The following SP110 variants were observed in gnomAD, a reference collection of about 807,000 sequenced individuals.
SP110 encodes the protein SP110 nuclear body protein.
Under a neutral mutation model 92.7 loss-of-function variants are expected in SP110, and 62 were observed. That is an observed-to-expected ratio of 0.67 (90% confidence interval 0.55 to 0.83). The LOEUF is 0.83. SP110 is among the 40% of genes least tolerant of loss of function. The probability of loss-of-function intolerance (pLI) is 0.00; values close to 1 mark genes in which losing one functional copy is unlikely to be tolerated. For synonymous variants in SP110, 273 were observed against 305.3 expected, an observed-to-expected ratio of 0.89 and a Z score of 1.10; for missense variants, 793 against 863.9, an observed-to-expected ratio of 0.92 and a Z score of 1.03.
chr2:230,221,817 A>C (rs2045843964), upstream of SP110: 12 of 1,204,486 alleles, frequency 1.0e-5, no homozygotes, highest in South Asian at 1.6e-4. Context: ...AATGCAAAAC[A>C]AACAAACAAA....
chr2:230,186,254 G>A (rs2042353188), intron 10 of SP110, 111 bp from the exon 11 acceptor site: 3 of 1,061,656 alleles, frequency 2.8e-6, no homozygotes, highest in South Asian at 1.4e-5. Context: ...CTTTTCTTGT[G>A]TGTATCTTTC....
chr2:230,202,794 A>G (rs1407006204), intron 8 of SP110, 66 bp from the exon 9 acceptor site: 2 of 1,480,524 alleles, frequency 1.4e-6, no homozygotes, highest in African/African-American at 1.4e-5. Flanking sequence ...TACAGTCCCA[A>G]TCAGTGACTT....
At chr2:230,186,424 T>C (rs116347572) in intron 10 of SP110, among the ~76,000 whole-genome samples, 1,639 of 152,346 alleles carry the variant, frequency 0.011, 21 homozygotes, top group African/African-American at 0.037. Context: ...GACAGATACC[T>C]GGCCCACACC....
At chr2:230,205,977 T>C (rs959337351) in intron 8 of SP110, among the ~76,000 whole-genome samples, 4 of 152,164 alleles carry the variant, frequency 2.6e-5, no homozygotes, top group Non-Finnish European at 5.9e-5. Flanking sequence ...GAGAGGGCAT[T>C]GACTAATAAG....
intron 8 of SP110, chr2:230,203,625 G>A (rs961194806): frequency 6.0e-5 from 9 of 148,772 alleles, no homozygotes; most frequent in African/African-American, 2.3e-4. Context: ...CCAAGTTTAG[G>A]GTTTTTTTTC....
At chr2:230,191,875 G>A (rs1175320133) in intron 10 of SP110, among the ~76,000 whole-genome samples, 1 of 151,950 alleles carries the variant, frequency 6.6e-6, no homozygotes, top group Non-Finnish European at 1.5e-5. Flanking sequence ...ACATCAATAC[G>A]AAAATCCTCA....
intron 15 of SP110, chr2:230,172,634 G>A: frequency 3.4e-6 from 2 of 580,228 alleles, no homozygotes; most frequent in Non-Finnish European, 6.2e-6. Flanking sequence ...CTGCTGTCCA[G>A]GGAATAGCAT....
rs1241257060 is a variant in SP110 at position 230,168,124 on chromosome 2, A to AAAT, written c.*999_*1000insATT. 5.3e-5 allele frequency: 8 copies of AAAT among 150,616 alleles called. No individual in the cohort carries two copies. The highest frequency in any genetic ancestry group is 2.0e-4 in the African/African-American group (8 of 40,578). 9.3% of individuals were successfully genotyped at this position (150,616 alleles called of 1,614,324 possible). A position where few individuals can be genotyped will look rare whatever the true frequency, so the allele number is the denominator to read the frequency against. The stretch of plus-strand genomic sequence containing the variant: ...ACTCTGTCTCAAAAAAAAAAAAAAA[A>AAAT]AAAAAAAAAGAAAAAGTGGGCAACT... On this transcript the variant is annotated 3_prime_UTR_variant, in exon 19 of 19. Coordinates refer to ENST00000258381, the MANE Select transcript of SP110 (RefSeq NM_080424.4).
intron 10 of SP110, among the ~76,000 whole-genome samples, chr2:230,187,148 G>A (rs566637781): frequency 1.3e-5 from 2 of 152,062 alleles, no homozygotes; most frequent in South Asian, 2.1e-4. Context: ...TTTTCACCAC[G>A]TCCATGTTAA....
At chr2:230,221,584 A>G, upstream of SP110, 8 of 995,954 alleles carry the variant, frequency 8.0e-6, no homozygotes, top group Non-Finnish European at 1.2e-5. Flanking sequence ...ATTCAATGCT[A>G]ACAGCTGAGG....
intron 10 of SP110, among the ~76,000 whole-genome samples, chr2:230,198,839 C>G (rs2042995498): frequency 1.3e-5 from 2 of 152,126 alleles, no homozygotes; most frequent in South Asian, 4.1e-4. Context: ...CTGAAGTGAT[C>G]CACCCACCTC....
In SP110 at chr2:230,216,825, C is replaced by T; in HGVS notation, c.103G>A (p.Glu35Lys). The T allele has an allele frequency of 6.2e-7, 1 of 1,614,042 alleles. No individual in the cohort carries two copies. The highest frequency in any genetic ancestry group is 1.7e-5 in the Admixed American group (1 of 60,010). Residue 35 changes from glutamate to lysine, a missense_variant, in exon 2 of 19, where the codon GAA (glutamate) becomes AAA (lysine). Transcript: ENST00000258381. Reference sequence around the variant, plus strand: ...ATGATGGAGTTGTCTAGGAGGCCTTCAAAGAAGGGAAATGGCTTGTGTATG... The same window carrying T: ...ATGATGGAGTTGTCTAGGAGGCCTTTAAAGAAGGGAAATGGCTTGTGTATG... ...YAIHKPFPFF[E>K]GLLDNSIITK...
intron 15 of SP110, chr2:230,172,524 A>G: frequency 1.9e-6 from 1 of 522,952 alleles, no homozygotes; most frequent in Non-Finnish European, 3.5e-6. Flanking sequence ...AGGTGAGACT[A>G]TGGTGAAATG....
Position 230,165,861 on chromosome 2 carries a change from T to C in SP110, c.*3263A>G, listed in dbSNP as rs979026045. ...CATTAAAACATTAAAAAGAGAAATA[T>C]TAAAATATGACAGAAATAAGACCAC... is the stretch of plus-strand genomic sequence containing the variant. On this transcript the variant is annotated 3_prime_UTR_variant, in exon 19 of 19. Coordinates refer to ENST00000258381, the MANE Select transcript of SP110 (RefSeq NM_080424.4). Among the ~76,000 whole-genome samples, 6 of 151,390 alleles carry C rather than the reference T, an allele frequency of 4.0e-5. No homozygotes were observed. Among genetic ancestry groups the C allele is most frequent in the African/African-American group, 1.5e-4 (6 of 41,238 alleles).
At chr2:230,184,310 G>T (rs2042258872) in intron 11 of SP110, among the ~76,000 whole-genome samples, 1 of 152,162 alleles carries the variant, frequency 6.6e-6, no homozygotes, top group Admixed American at 6.5e-5. Flanking sequence ...CATAGGAAGG[G>T]CTTTTTAAGG....
chr2:230,195,136 G>T (rs1291281584), intron 10 of SP110, among the ~76,000 whole-genome samples: 1 of 151,072 alleles, frequency 6.6e-6, no homozygotes, highest in Non-Finnish European at 1.5e-5. Context: ...CATCTTTTAT[G>T]GCTACAAATA....
At chr2:230,192,070 G>T (rs1190558003) in intron 10 of SP110, among the ~76,000 whole-genome samples, 1 of 152,134 alleles carries the variant, frequency 6.6e-6, no homozygotes, top group East Asian at 1.9e-4. Context: ...AAAGGCCTTT[G>T]ATAAAATTCT....
At chr2:230,193,879 G>A (rs1382396786) in intron 10 of SP110, among the ~76,000 whole-genome samples, 1 of 152,152 alleles carries the variant, frequency 6.6e-6, no homozygotes, top group Non-Finnish European at 1.5e-5. Flanking sequence ...AGTATTTGTT[G>A]GGAGCAAAGA....
intron 9 of SP110, among the ~76,000 whole-genome samples, chr2:230,201,320 A>G (rs2043164399): frequency 6.6e-6 from 1 of 152,206 alleles, no homozygotes; most frequent in African/African-American, 2.4e-5. Flanking sequence ...AATTGTTTTC[A>G]TAATATGATG....
Sources: allele counts gnomAD v4.1 joint callset (sites outside exome capture counted in the v4.1 genomes callset), GRCh38; gene constraint gnomAD v4.1.1; transcripts MANE v1.5; gene names NCBI Gene and HGNC (gene_info 2026-07-23, HGNC 2026-07-21).